COLGALT2: variants seen among roughly 807,000 people sequenced by gnomAD.
COLGALT2 encodes collagen beta(1-O)galactosyltransferase 2.
COLGALT2 carries 49 observed loss-of-function variants against 73.4 expected under a neutral mutation model. The ratio of observed to expected loss-of-function variants is 0.67; its 90% CI spans 0.53 to 0.85. The LOEUF (loss-of-function observed/expected upper bound fraction) is 0.85, where lower values mean the gene tolerates loss of function less well. COLGALT2 is among the 40% of genes least tolerant of loss of function. COLGALT2 has a pLI of 0.00. For missense variants in COLGALT2, 722 were observed against 790.2 expected (o/e 0.91, Z 1.03); for synonymous variants, 295 against 307.6 (o/e 0.96, Z 0.43).
chr1:183,997,146 G>A (rs1329176326), intron 1 of COLGALT2, among the ~76,000 whole-genome samples: 2 of 152,106 alleles, frequency 1.3e-5, no homozygotes, highest in East Asian at 1.9e-4. Flanking sequence ...TACTTCTCAA[G>A]TTCATTTTCT....
At chr1:184,006,394 G>T (rs1457019120) in intron 1 of COLGALT2, among the ~76,000 whole-genome samples, 4 of 152,056 alleles carry the variant, frequency 2.6e-5, no homozygotes, top group Non-Finnish European at 5.9e-5. Context: ...AGACAAGCCT[G>T]ATCAACACGG....
intron 1 of COLGALT2, among the ~76,000 whole-genome samples, chr1:183,992,014 C>G (rs1671641541): frequency 6.6e-6 from 1 of 152,106 alleles, no homozygotes; most frequent in Admixed American, 6.6e-5. Context: ...TTGCTGTTGC[C>G]TTTACTACTC....
At chr1:183,982,768 C>T (rs1671386985) in intron 1 of COLGALT2, among the ~76,000 whole-genome samples, 1 of 152,146 alleles carries the variant, frequency 6.6e-6, no homozygotes, top group South Asian at 2.1e-4. Flanking sequence ...AGTCACTGCA[C>T]TCCAGCCTGG....
At chr1:183,960,777 A>T (rs1242168549) in intron 6 of COLGALT2, among the ~76,000 whole-genome samples, 2 of 151,576 alleles carry the variant, frequency 1.3e-5, no homozygotes, top group Non-Finnish European at 2.9e-5. Context: ...TTTTTTTTTT[A>T]GCTCATCAGC....
At chr1:183,955,122 G>C (rs1670517131) in intron 6 of COLGALT2, among the ~76,000 whole-genome samples, 2 of 152,176 alleles carry the variant, frequency 1.3e-5, no homozygotes, top group Admixed American at 1.3e-4. Flanking sequence ...TGGTTAAGAG[G>C]AAGGGCTCCA....
intron 6 of COLGALT2, among the ~76,000 whole-genome samples, chr1:183,961,584 A>G (rs1670702899): frequency 6.6e-6 from 1 of 152,228 alleles, no homozygotes; most frequent in Non-Finnish European, 1.5e-5. Flanking sequence ...CAACATTGCA[A>G]AATCACTCTA....
Position 184,024,876 on chromosome 1 carries a change from C to G in COLGALT2, c.263+12219G>C, listed in dbSNP as rs954148054. 5.3e-5 allele frequency among the ~76,000 whole-genome samples: 8 copies of G among 152,244 alleles called. No homozygotes were observed. In the South Asian group the frequency reaches 1.2e-3, roughly 24 times the overall value. On this transcript the variant is annotated intron_variant, in intron 1 of 11. Transcript: ENST00000361927. ...CTACTGCTGTTATTTTGATAAGATG[C>G]ATGGGAAAATGAGGTCTTGGGCCTC...
At position 184,031,817 on chromosome 1, in the gene COLGALT2, A is replaced by ATCCATCCT. The variant is rs369842594; in HGVS notation, c.263+5277_263+5278insAGGATGGA. Among the ~76,000 whole-genome samples the ATCCATCCT allele has an allele frequency of 4.2e-3, 588 of 139,304 alleles. 4 individuals are homozygous for ATCCATCCT. Among genetic ancestry groups the ATCCATCCT allele is most frequent in the Non-Finnish European group, 4.7e-3 (302 of 63,592 alleles). The allele number at this position is 139,304 out of a possible 152,430, so 91.4% of individuals were successfully genotyped here. A position where few individuals can be genotyped will look rare whatever the true frequency, so the allele number is the denominator to read the frequency against. On this transcript the variant is annotated intron_variant, in intron 1 of 11. Transcript: ENST00000361927. ...TCTAGAACAGTGCCTCCATGAATGTATCCTTCCTTCCTTCCTTCCTTCCTT... is the reference window on the plus strand; with the variant it reads ...TCTAGAACAGTGCCTCCATGAATGTATCCATCCTTCCTTCCTTCCTTCCTTCCTTCCTT...
intron 1 of COLGALT2, among the ~76,000 whole-genome samples, chr1:184,002,958 T>C (rs1671971624): frequency 6.6e-6 from 1 of 151,916 alleles, no homozygotes; most frequent in Admixed American, 6.6e-5. Flanking sequence ...GGAAACAAAC[T>C]AAATAAAGAT....
At chr1:183,939,616 T>C (rs1345938344) in intron 11 of COLGALT2, among the ~76,000 whole-genome samples, 1 of 152,188 alleles carries the variant, frequency 6.6e-6, no homozygotes. Flanking sequence ...TTGACCTCCA[T>C]GTTTCTGCTA....
intron 6 of COLGALT2, among the ~76,000 whole-genome samples, chr1:183,963,207 T>C (rs1327565013): frequency 6.6e-6 from 1 of 152,190 alleles, no homozygotes; most frequent in African/African-American, 2.4e-5. Flanking sequence ...ACATGAACTT[T>C]GGAGATAGCA....
chr1:183,932,372 A>C (rs928278527), downstream of COLGALT2, among the ~76,000 whole-genome samples: 4 of 152,070 alleles, frequency 2.6e-5, no homozygotes, highest in Admixed American at 6.6e-5. Context: ...ACACGTAGGG[A>C]AAGTGCGGTT....
At chr1:184,019,906 A>T (rs1378329517) in intron 1 of COLGALT2, among the ~76,000 whole-genome samples, 3 of 152,180 alleles carry the variant, frequency 2.0e-5, no homozygotes. Context: ...AACAGCAAAA[A>T]ATTCACCTAA....
At chr1:184,024,088 C>T (rs1025203436) in intron 1 of COLGALT2, among the ~76,000 whole-genome samples, 7 of 152,180 alleles carry the variant, frequency 4.6e-5, no homozygotes, top group Middle Eastern at 3.4e-3. Flanking sequence ...GTGGCAATAG[C>T]GTGAGTTGTT....
chr1:183,957,482 G>C (rs1285087416), intron 6 of COLGALT2, among the ~76,000 whole-genome samples: 1 of 152,134 alleles, frequency 6.6e-6, no homozygotes, highest in East Asian at 1.9e-4. Flanking sequence ...GATTGTACTT[G>C]GATCAAATCC....
chr1:183,943,018 C>T (rs903450120), intron 10 of COLGALT2, among the ~76,000 whole-genome samples: 2 of 152,190 alleles, frequency 1.3e-5, no homozygotes, highest in Non-Finnish European at 2.9e-5. Flanking sequence ...CCACAGGCTG[C>T]GGAGCCATCC....
At chr1:184,036,926 G>A (rs1357939914) in intron 1 of COLGALT2, among the ~76,000 whole-genome samples, 169 bp downstream of exon 1, 3 of 152,110 alleles carry the variant, frequency 2.0e-5, no homozygotes, top group African/African-American at 4.8e-5. Flanking sequence ...CGCCCGATCC[G>A]CCAGCCACCG....
intron 6 of COLGALT2, among the ~76,000 whole-genome samples, chr1:183,960,370 G>T (rs1670666736): frequency 6.6e-6 from 1 of 152,132 alleles, no homozygotes; most frequent in Admixed American, 6.5e-5. Context: ...TTGTACCCAA[G>T]CTTAGCCTAA....
At chr1:183,969,540 C>A in intron 4 of COLGALT2, 67 bp from the exon 5 acceptor site, 2 of 1,383,058 alleles carry the variant, frequency 1.4e-6, no homozygotes, top group Non-Finnish European at 9.9e-7. Flanking sequence ...CAGTCATTTG[C>A]TAGACTGATT....
Sources: gnomAD v4.1 joint callset for allele counts (sites outside exome capture counted in the v4.1 genomes callset) on GRCh38, gnomAD v4.1.1 for gene constraint, MANE v1.5 for transcripts, NCBI Gene and HGNC (gene_info 2026-07-23, HGNC 2026-07-21) for gene names.